SLC14A2: variants seen among roughly 807,000 people sequenced by gnomAD.
The protein encoded by SLC14A2 is urea transporter 2.
Under a neutral mutation model 104.6 loss-of-function variants are expected in SLC14A2, and 91 were observed. The ratio of observed to expected loss-of-function variants is 0.87; its 90% CI spans 0.73 to 1.04. The LOEUF (loss-of-function observed/expected upper bound fraction) is 1.04, where lower values mean the gene tolerates loss of function less well. SLC14A2 is among the 50% of genes least tolerant of loss of function. The probability of loss-of-function intolerance (pLI) is 0.00; values close to 1 mark genes in which losing one functional copy is unlikely to be tolerated. For missense variants in SLC14A2, 1,189 were observed against 1,156.0 expected (o/e 1.03, Z -0.41); for synonymous variants, 476 against 466.4 (o/e 1.02, Z -0.27).
intron 2 of SLC14A2, among the ~76,000 whole-genome samples, chr18:45,531,682 T>C (rs1020777698): frequency 2.0e-5 from 3 of 152,228 alleles, no homozygotes; most frequent in Non-Finnish European, 2.9e-5. Context: ...TTTCTTTTGC[T>C]GTACAGAAGC....
At chr18:45,334,936 C>A (rs2085324618) in intron 1 of SLC14A2, among the ~76,000 whole-genome samples, 1 of 152,200 alleles carries the variant, frequency 6.6e-6, no homozygotes, top group African/African-American at 2.4e-5. Context: ...TAAATGTTCA[C>A]CTCCTGACTT....
chr18:45,326,797 A>T (rs2085238988), intron 1 of SLC14A2, among the ~76,000 whole-genome samples: 1 of 152,072 alleles, frequency 6.6e-6, no homozygotes. Context: ...CCTTCCCCCA[A>T]TTCCTGTCCA....
chr18:45,479,497 C>T (rs1224070594), intron 1 of SLC14A2, among the ~76,000 whole-genome samples: 1 of 152,164 alleles, frequency 6.6e-6, no homozygotes, highest in Non-Finnish European at 1.5e-5. Flanking sequence ...GCTCTGACAT[C>T]TCCTGCCTAC....
At chr18:45,291,699 T>C (rs942814088) in intron 1 of SLC14A2, among the ~76,000 whole-genome samples, 2 of 152,164 alleles carry the variant, frequency 1.3e-5, no homozygotes, top group Non-Finnish European at 2.9e-5. Flanking sequence ...TCTTCCCGTC[T>C]GCTTTGTGGA....
At chr18:45,369,529 T>C (rs2085700491) in intron 1 of SLC14A2, among the ~76,000 whole-genome samples, 1 of 152,180 alleles carries the variant, frequency 6.6e-6, no homozygotes, top group Non-Finnish European at 1.5e-5. Flanking sequence ...GACTGAAGAA[T>C]CGTGTTCCAA....
chr18:45,183,906 A>ATTTTT, the SLC14A2 span, among the ~76,000 whole-genome samples: 258 of 62,720 alleles, frequency 4.1e-3, 35 homozygotes, highest in African/African-American at 0.015. Context: ...TAATTTTCTA[A>ATTTTT]TTTTTTTTTT....
chr18:45,643,921 C>G, intron 9 of SLC14A2, 65 bp from the exon 10 acceptor site: 1 of 1,435,816 alleles, frequency 7.0e-7, no homozygotes, highest in Non-Finnish European at 9.7e-7. Context: ...CCTTCTCCCC[C>G]AGAGTCCCCA....
In SLC14A2 at chr18:45,608,341, A is replaced by G. The variant is rs144478628; in HGVS notation, c.-34-16290A>G. Among the ~76,000 whole-genome samples, 854 of 152,308 alleles carry G rather than the reference A, an allele frequency of 5.6e-3. 12 individuals carry two copies. The highest frequency in any genetic ancestry group is 0.02 in the African/African-American group (825 of 41,576). ...TGAAAACTGACACTTGTTGATACCC[A>G]CTATATACAGTACACTGGGCCCTCT... On this transcript the variant is annotated intron_variant, in intron 2 of 20. Transcript: ENST00000586448.
At chr18:45,245,075 G>A (rs9973061) in intron 1 of SLC14A2, among the ~76,000 whole-genome samples, 17,406 of 152,186 alleles carry the variant, frequency 0.11, 1,097 homozygotes, top group African/African-American at 0.16. Context: ...GAAATGAAGG[G>A]TGCCTCTCTC....
chr18:45,535,384 C>T (rs2043764543), intron 2 of SLC14A2, among the ~76,000 whole-genome samples: 1 of 152,082 alleles, frequency 6.6e-6, no homozygotes, highest in African/African-American at 2.4e-5. Context: ...TTTATGTGAT[C>T]AGAATAAAAG....
chr18:45,462,843 C>T (rs374323126), intron 1 of SLC14A2, among the ~76,000 whole-genome samples: 3 of 152,262 alleles, frequency 2.0e-5, no homozygotes, highest in African/African-American at 7.2e-5. Flanking sequence ...GCCTACTTTG[C>T]AGATTTTTGT....
At chr18:45,250,306 A>G (rs370393496) in intron 1 of SLC14A2, among the ~76,000 whole-genome samples, 1 of 152,186 alleles carries the variant, frequency 6.6e-6, no homozygotes, top group Admixed American at 6.5e-5. Flanking sequence ...ACACACACGC[A>G]TGCACACATT....
intron 1 of SLC14A2, among the ~76,000 whole-genome samples, chr18:45,477,474 T>C (rs1007382021): frequency 1.3e-5 from 2 of 152,182 alleles, no homozygotes; most frequent in Admixed American, 1.3e-4. Context: ...GGACCCACTT[T>C]AGGAGGCAGT....
chr18:45,568,898 T>C (rs912676663), intron 2 of SLC14A2, among the ~76,000 whole-genome samples: 1 of 152,196 alleles, frequency 6.6e-6, no homozygotes, highest in African/African-American at 2.4e-5. Flanking sequence ...TGGATAGTTA[T>C]GTTTTGGACA....
intron 1 of SLC14A2, among the ~76,000 whole-genome samples, chr18:45,296,732 C>T (rs923521250): frequency 6.6e-6 from 1 of 152,136 alleles, no homozygotes; most frequent in Non-Finnish European, 1.5e-5. Flanking sequence ...GTGATGGAGG[C>T]TTGTTTCGGA....
At chr18:45,563,080 C>A (rs2144315324) in intron 2 of SLC14A2, among the ~76,000 whole-genome samples, 1 of 152,180 alleles carries the variant, frequency 6.6e-6, no homozygotes, top group East Asian at 1.9e-4. Flanking sequence ...GCTGGCAGGG[C>A]CCAGCCAGGC....
intron 2 of SLC14A2, among the ~76,000 whole-genome samples, chr18:45,533,430 AGT>A (rs1314440743): frequency 6.6e-6 from 1 of 151,934 alleles, no homozygotes; most frequent in African/African-American, 2.4e-5. Flanking sequence ...GTCTTGGGAG[AGT>A]GTGTGTGTCG....
intron 1 of SLC14A2, among the ~76,000 whole-genome samples, chr18:45,231,522 T>A (rs1470883516): frequency 1.3e-5 from 2 of 152,206 alleles, no homozygotes; most frequent in South Asian, 2.1e-4. Context: ...TATGGTATCT[T>A]GATGATTAAG....
chr18:45,510,575 A>G (rs1401669528), intron 2 of SLC14A2, among the ~76,000 whole-genome samples: 3 of 152,022 alleles, frequency 2.0e-5, no homozygotes, highest in Non-Finnish European at 4.4e-5. Flanking sequence ...CCTGCTGATC[A>G]GGGTCCTGCC....
Sources: gnomAD v4.1 joint callset for allele counts (sites outside exome capture counted in the v4.1 genomes callset) on GRCh38, gnomAD v4.1.1 for gene constraint, MANE v1.5 for transcripts, NCBI Gene and HGNC (gene_info 2026-07-23, HGNC 2026-07-21) for gene names.